Variants in ATP9B observed in about 807,000 individuals in gnomAD.
The protein encoded by ATP9B is ATPase phospholipid transporting 9B, also known as probable phospholipid-transporting ATPase IIB.
A neutral mutation model predicts 146.1 loss-of-function variants in ATP9B; 110 were observed. That is an observed-to-expected ratio of 0.75 (90% CI 0.65 to 0.88). ATP9B has a LOEUF of 0.88. Ranked by LOEUF, ATP9B falls within the 40% of genes least tolerant of loss-of-function variation. ATP9B has a pLI of 0.00. For synonymous variants in ATP9B, 604 were observed against 569.7 expected (o/e 1.06, Z -0.86); for missense variants, 1,499 against 1,496.4 (o/e 1.00, Z -0.03).
intron 7 of ATP9B, among the ~76,000 whole-genome samples, chr18:79,171,565 A>C (rs922589172): frequency 6.6e-6 from 1 of 152,154 alleles, no homozygotes; most frequent in Non-Finnish European, 1.5e-5. Flanking sequence ...CTTCACCGAG[A>C]TTCCTTCAGT....
At chr18:79,272,533 C>G (rs1055904642) in intron 12 of ATP9B, among the ~76,000 whole-genome samples, 2 of 151,946 alleles carry the variant, frequency 1.3e-5, no homozygotes, top group African/African-American at 4.8e-5. Flanking sequence ...GCTCCTGTCC[C>G]TGAGCTCTCT....
At chr18:79,304,216 T>C (rs1568625160) in intron 14 of ATP9B, among the ~76,000 whole-genome samples, 1 of 152,176 alleles carries the variant, frequency 6.6e-6, no homozygotes, top group Non-Finnish European at 1.5e-5. Context: ...TTCTTCATTA[T>C]TATTATATTA....
chr18:79,216,343 T>G lies in ATP9B; in HGVS notation c.1107+2305T>G, dbSNP rs2095626896. Among the ~76,000 whole-genome samples the G allele has an allele frequency of 2.6e-5, 4 of 152,340 alleles. No homozygotes were observed. The South Asian group carries it at 8.3e-4, about 32-fold the overall frequency. On this transcript the variant is annotated intron_variant, in intron 11 of 29. Transcript: ENST00000426216. ...AGCCCTGAAGCCTCGCTGCTGGGTC[T>G]GTGTCCAGGCCTTGGTGCACACTCG...
At chr18:79,073,146 T>C (rs902011429) in intron 1 of ATP9B, among the ~76,000 whole-genome samples, 4 of 142,384 alleles carry the variant, frequency 2.8e-5, no homozygotes, top group African/African-American at 1.1e-4. Flanking sequence ...CTTCCCAGAC[T>C]GGGAGGCCGG....
intron 13 of ATP9B, among the ~76,000 whole-genome samples, chr18:79,279,158 C>T (rs371881074): frequency 2.6e-5 from 4 of 151,658 alleles, no homozygotes; most frequent in Admixed American, 6.6e-5. Context: ...GTGCCCCCTG[C>T]GAGGGCTGCT....
At chr18:79,301,263 G>A (rs554051112) in intron 13 of ATP9B, among the ~76,000 whole-genome samples, 2 of 152,168 alleles carry the variant, frequency 1.3e-5, no homozygotes, top group African/African-American at 2.4e-5. Context: ...AGGCCAGGGC[G>A]GGCAGATCAC....
intron 11 of ATP9B, among the ~76,000 whole-genome samples, chr18:79,222,266 A>T (rs114983227): frequency 6.6e-6 from 1 of 152,056 alleles, no homozygotes; most frequent in African/African-American, 2.4e-5. Flanking sequence ...GGCTGAGGCA[A>T]GAGAGTTGCT....
intron 5 of ATP9B, among the ~76,000 whole-genome samples, chr18:79,137,557 C>T (rs559059455): frequency 1.8e-4 from 27 of 152,216 alleles, no homozygotes; most frequent in African/African-American, 6.5e-4. Context: ...CAGTCTGGCT[C>T]GAAGGGCACT....
rs1173565651 is a variant in ATP9B, at chr18:79,128,052, C to CTTT, written c.667+1700_667+1702dup. ...AATGTCTGCTCAGATCCTTTGCCGA[C>CTTT]TTTTTTTTTTTTTTTTTTTTTTTTT... is the stretch of plus-strand genomic sequence containing the variant. On this transcript the variant is annotated intron_variant, in intron 5 of 29. Transcript: ENST00000426216. Among the ~76,000 whole-genome samples, 654 of 71,742 alleles carry CTTT rather than the reference C, an allele frequency of 9.1e-3. 5 individuals are homozygous for CTTT. Among genetic ancestry groups the CTTT allele is most frequent in the African/African-American group, 0.014 (230 of 16,312 alleles). The allele number at this position is 71,742 out of a possible 152,430, so 47.1% of individuals were successfully genotyped here.
chr18:79,276,686 A>G (rs1426721414), intron 12 of ATP9B, among the ~76,000 whole-genome samples: 1 of 152,264 alleles, frequency 6.6e-6, no homozygotes, highest in African/African-American at 2.4e-5. Flanking sequence ...CTTGAAGGAC[A>G]GAATAGGAGT....
intron 9 of ATP9B, among the ~76,000 whole-genome samples, chr18:79,202,621 T>C (rs1237914837): frequency 1.3e-5 from 2 of 152,220 alleles, no homozygotes; most frequent in East Asian, 3.8e-4. Context: ...AAATAGAACA[T>C]TTTAGAGATA....
At chr18:79,300,359 C>T (rs2096582474) in intron 13 of ATP9B, among the ~76,000 whole-genome samples, 2 of 152,030 alleles carry the variant, frequency 1.3e-5, no homozygotes, top group Admixed American at 6.6e-5. Flanking sequence ...CTTGGACCAC[C>T]CTGCAGTGCT....
At chr18:79,369,878 C>T (rs892722042) in intron 26 of ATP9B, among the ~76,000 whole-genome samples, 1 of 152,220 alleles carries the variant, frequency 6.6e-6, no homozygotes, top group East Asian at 1.9e-4. Flanking sequence ...GCAGACAGAT[C>T]ACCTGAGGTC....
At chr18:79,165,101 T>C (rs377052171) in intron 7 of ATP9B, among the ~76,000 whole-genome samples, 4 of 152,354 alleles carry the variant, frequency 2.6e-5, no homozygotes, top group African/African-American at 9.6e-5. Context: ...ATGACAGGCT[T>C]TCACGTATTT....
chr18:79,359,666 G>T, intron 26 of ATP9B: 1 of 553,108 alleles, frequency 1.8e-6, no homozygotes. Flanking sequence ...AAACATCTCA[G>T]GGAAAAAAAT....
intron 15 of ATP9B, among the ~76,000 whole-genome samples, chr18:79,323,151 G>A (rs1049961861): frequency 4.7e-5 from 7 of 150,334 alleles, no homozygotes; most frequent in Non-Finnish European, 4.5e-5. Context: ...GTTTATCGTT[G>A]CTTCGCGTTA....
intron 25 of ATP9B, among the ~76,000 whole-genome samples, chr18:79,358,843 G>C (rs1250302395): frequency 7.0e-6 from 1 of 143,560 alleles, no homozygotes; most frequent in Non-Finnish European, 1.5e-5. Flanking sequence ...GGGTCTGGAG[G>C]TGTCTGTGTG....
chr18:79,201,880 AT>A (rs879498977), intron 9 of ATP9B, among the ~76,000 whole-genome samples: 6 of 151,248 alleles, frequency 4.0e-5, no homozygotes, highest in Non-Finnish European at 5.9e-5. Flanking sequence ...ATTTAAAAAA[AT>A]TTTTTTTTTA....
In ATP9B at chr18:79,361,866, G is replaced by A. The variant is rs934729214; in HGVS notation, c.3012+2404G>A. On this transcript the variant is annotated intron_variant, in intron 26 of 29. Transcript: ENST00000426216. The stretch of plus-strand genomic sequence containing the variant: ...TCAGTGGACACCAAGTCCCCAGTCC[G>A]TCGGCTCAAGCTCCTGCGATGTAGG... 21 of 921,906 alleles carry A rather than the reference G, an allele frequency of 2.3e-5. No individual in the cohort carries two copies. The African/African-American group carries it at 2.3e-4, about 10-fold the overall frequency. 57.1% of individuals were successfully genotyped at this position (921,906 alleles called of 1,614,324 possible). A position where few individuals can be genotyped will look rare whatever the true frequency, so the allele number is the denominator to read the frequency against.
Sources: allele counts gnomAD v4.1 joint callset (sites outside exome capture counted in the v4.1 genomes callset), GRCh38; gene constraint gnomAD v4.1.1; transcripts MANE v1.5; gene names NCBI Gene and HGNC (gene_info 2026-07-23, HGNC 2026-07-21).